FHOD1: variants seen among roughly 807,000 people sequenced by gnomAD.
FHOD1 encodes the protein formin homology 2 domain containing 1.
In FHOD1, 89 loss-of-function variants were observed where a neutral mutation model predicts 111.6. The observed-to-expected ratio is 0.80, with a 90% CI of 0.67 to 0.95. The LOEUF (loss-of-function observed/expected upper bound fraction) is 0.95. Among genes scored for constraint, FHOD1 ranks in the 40% least tolerant of loss-of-function variants. FHOD1 has a pLI of 0.00. For synonymous variants in FHOD1, 618 were observed against 639.0 expected, an observed-to-expected ratio of 0.97 and a Z score of 0.50; for missense variants, 1,446 against 1,554.2, an observed-to-expected ratio of 0.93 and a Z score of 1.17.
chr16:67,241,498 C>T (rs2034666751), intron 1 of FHOD1, among the ~76,000 whole-genome samples: 1 of 152,230 alleles, frequency 6.6e-6, no homozygotes, highest in Non-Finnish European at 1.5e-5. Context: ...AGAGCCACCC[C>T]CGTCAGGGAT....
rs1258121901 is a variant in FHOD1 at position 67,247,461 on chromosome 16, A to C, written c.-51T>G. On this transcript the variant is annotated 5_prime_UTR_variant, in exon 1 of 22. Transcript: ENST00000258201. ...CGCCTCCGAGTCCCGGCCCCAGTGC[A>C]GCTTCTACTCAAAGCACACTGTAGC... The C allele has an allele frequency of 6.3e-7, 1 of 1,581,310 alleles. No individual in the cohort carries two copies. The highest frequency in any genetic ancestry group is 8.6e-7 in the Non-Finnish European group (1 of 1,159,800).
intron 1 of FHOD1, among the ~76,000 whole-genome samples, chr16:67,243,092 A>G (rs1203798582): frequency 6.6e-6 from 1 of 152,100 alleles, no homozygotes; most frequent in Non-Finnish European, 1.5e-5. Flanking sequence ...GTAATCAGGT[A>G]AGACTGAACA....
intron 1 of FHOD1, among the ~76,000 whole-genome samples, chr16:67,245,766 G>T (rs1365358889): frequency 6.6e-6 from 1 of 151,946 alleles, no homozygotes; most frequent in Admixed American, 6.6e-5. Flanking sequence ...AATCGGGGGG[G>T]TGGTGTCAGG....
rs112918660 is a variant in FHOD1, at chr16:67,236,578, G to T, written c.1298C>A (p.Ser433Tyr). 6.2e-7 allele frequency: 1 copy of T among 1,613,624 alleles called. No individual in the cohort carries two copies. Among genetic ancestry groups the T allele is most frequent in the East Asian group, 2.2e-5 (1 of 44,872 alleles). Residue 433 changes from serine to tyrosine, a missense_variant, in exon 11 of 22, where the codon TCC (serine) becomes TAC (tyrosine). Transcript: ENST00000258201. The part of the protein sequence containing the change: ...TISVAPSADT[S>Y]SERSIYKARF... ...TTACTTGTAGATGCTCCTCTCGCTG[G>T]AGGTGTCAGCTGAGGGTGCCACAGA...
Position 67,230,383 on chromosome 16 carries a change from C to T in FHOD1, c.2982G>A (p.Val994=). The T allele has an allele frequency of 6.2e-7, 1 of 1,614,254 alleles. No homozygotes were observed. Among genetic ancestry groups the T allele is most frequent in the South Asian group, 1.1e-5 (1 of 91,090 alleles). The change falls in exon 19 of 22, where the codon GTG becomes GTA. Residue 994 remains valine, a synonymous_variant. Transcript: ENST00000258201. ...ALEYRTCRER[V]LQQQQKQATY... is the part of the protein sequence containing the mutation. Reference sequence around the variant, plus strand: ...TGGCCTGCTTCTGCTGCTGCTGTAGCACTCGTTCCCGGCAAGTCCGATACT... The same window carrying T: ...TGGCCTGCTTCTGCTGCTGCTGTAGTACTCGTTCCCGGCAAGTCCGATACT...
At position 67,230,485 on chromosome 16, in the gene FHOD1, G is replaced by C. The variant is rs1232294778; in HGVS notation, c.2880C>G (p.Tyr960Ter). 4 of 1,614,128 alleles carry C rather than the reference G, an allele frequency of 2.5e-6. No individual in the cohort carries two copies. Among genetic ancestry groups the C allele is most frequent in the Non-Finnish European group, 3.4e-6 (4 of 1,180,038 alleles). Residue 960 changes from tyrosine (Y) to a stop codon, truncating the protein, a stop_gained, in exon 19 of 22, where the codon TAC (tyrosine) becomes TAG (stop). Transcript: ENST00000258201. LOFTEE classifies it high-confidence loss of function. ...GGGCCGCCTGCGGGGTGTAGCCCAG[G>C]TAGAGCAGGAAGGCATGGAACCTAG... ...VCNRFHAFLL[Y>*]LGYTPQAARE...
chr16:67,231,559 G>T lies in FHOD1; in HGVS notation c.2386-10C>A. On this transcript the variant is annotated splice_polypyrimidine_tract_variant and intron_variant, in intron 15 of 21. Transcript: ENST00000258201. The surrounding 1 kb of genome is among the most constrained non-coding windows in gnomAD (Gnocchi z 4.3). ...GTGGCTCAGCAATTTCCTGGTATGG[G>T]AGACCAGGGACTCTCAGACTACATG... 1 of 1,614,174 alleles carries T rather than the reference G, an allele frequency of 6.2e-7. No homozygotes were observed.
rs59149041 is a variant in FHOD1 at position 67,234,306 on chromosome 16, G to A, written c.1436-39C>T. On this transcript the variant is annotated intron_variant, in intron 12 of 21. Transcript: ENST00000258201. Reference sequence around the variant, plus strand: ...AGGAGCTGTCAGTGCCATGCCCCCTGTGGGGCAACAAAGCAACAGGCAGGC... The same window carrying A: ...AGGAGCTGTCAGTGCCATGCCCCCTATGGGGCAACAAAGCAACAGGCAGGC... The A allele has an allele frequency of 1.0e-3, 1,667 of 1,599,282 alleles. 9 individuals carry two copies. In the African/African-American group the frequency reaches 0.016, roughly 15 times the overall value.
In FHOD1 at chr16:67,231,620, C is replaced by G. The variant is rs1436264104; in HGVS notation, c.2385+17G>C. ...TTACCTGTCCCTACTGACTGTCCCA[C>G]TCCAAGACCCAGGTACCCGCTCCAT... On this transcript the variant is annotated intron_variant, in intron 15 of 21. Coordinates refer to ENST00000258201, the MANE Select transcript of FHOD1 (RefSeq NM_013241.3). This position sits in a 1 kb window ranked among gnomAD's most constrained non-coding sequence, Gnocchi z 4.3. 3 of 1,614,130 alleles carry G rather than the reference C, an allele frequency of 1.9e-6. No homozygotes were observed. In the East Asian group the frequency reaches 6.7e-5, roughly 36 times the overall value.
At chr16:67,245,578 C>T (rs902858458) in intron 1 of FHOD1, among the ~76,000 whole-genome samples, 8 of 152,208 alleles carry the variant, frequency 5.3e-5, no homozygotes, top group Non-Finnish European at 1.0e-4. Context: ...AACCCTGTCC[C>T]TACTAAAAAT....
In FHOD1 at chr16:67,238,608, G is replaced by A. The variant is rs2034580138; in HGVS notation, c.374-161C>T. ...CACTCAGGCTGGAGTGTGGAGTGCA[G>A]TGGCACAGTCATAGCTCACTGCAAC... On this transcript the variant is annotated intron_variant, in intron 3 of 21. Coordinates refer to ENST00000258201, the MANE Select transcript of FHOD1 (RefSeq NM_013241.3). This position sits in a 1 kb window ranked among gnomAD's most constrained non-coding sequence, Gnocchi z 4.2. 2 of 750,010 alleles carry A rather than the reference G, an allele frequency of 2.7e-6. No homozygotes were observed. Among genetic ancestry groups the A allele is most frequent in the Non-Finnish European group, 4.6e-6 (2 of 439,474 alleles). The allele number at this position is 750,010 out of a possible 1,614,324, so 46.5% of individuals were successfully genotyped here.
rs752347123 is a variant in FHOD1, at chr16:67,233,649, G to A, written c.2046+8C>T. On this transcript the variant is annotated splice_region_variant and intron_variant, in intron 13 of 21. Transcript: ENST00000258201. ...CCTTGGGGCTACCTTGCAGATGAGT[G>A]GATTTACCTTGGAGGGCAGCACCTC... is the stretch of plus-strand genomic sequence containing the variant. 2 of 1,583,848 alleles carry A rather than the reference G, an allele frequency of 1.3e-6. No homozygotes were observed. The highest frequency in any genetic ancestry group is 2.3e-5 in the East Asian group (1 of 44,200).
rs761025263 is a variant in FHOD1 at position 67,231,799 on chromosome 16, G to A, written c.2223C>T (p.Pro741=). The A allele has an allele frequency of 1.9e-6, 3 of 1,614,098 alleles. No homozygotes were observed. Among genetic ancestry groups the A allele is most frequent in the Non-Finnish European group, 2.5e-6 (3 of 1,179,994 alleles). The change falls in exon 15 of 22, where the codon CCC becomes CCT. Residue 741 remains proline (P), a synonymous_variant. Coordinates refer to ENST00000258201, the MANE Select transcript of FHOD1 (RefSeq NM_013241.3). The surrounding 1 kb of genome is among the most constrained non-coding windows in gnomAD (Gnocchi z 4.3). The part of the protein sequence containing the change: ...DGIEKLLTMM[P]TEEERQKIEE... ...CAATCTTCTGCCGCTCTTCCTCCGT[G>A]GGCATCATGGTCAGTAGCTTCTGAG...
chr16:67,230,725 T>C lies in FHOD1; in HGVS notation c.2734A>G (p.Ser912Gly), dbSNP rs1347420143. The stretch of plus-strand genomic sequence containing the variant: ...TCATGCTTGGCCAAGCTCCGCAGGC[T>C]CTCCTCGGCTGCCCGGCTCCGGCGC... ...LERRSRAAEE[S>G]LRSLAKHELA... is the part of the protein sequence containing the mutation. The change falls in exon 18 of 22, where the codon AGC (serine) becomes GGC (glycine). Residue 912 changes from serine to glycine, a missense_variant. This residue lies in a region of FHOD1 where 1,085 missense variants were observed against 1,108.8 expected (regional missense o/e 0.98). Coordinates refer to ENST00000258201, the MANE Select transcript of FHOD1 (RefSeq NM_013241.3). The C allele has an allele frequency of 6.2e-7, 1 of 1,612,272 alleles. No homozygotes were observed. The highest frequency in any genetic ancestry group is 8.5e-7 in the Non-Finnish European group (1 of 1,179,056).
At chr16:67,246,475 C>T (rs1476791491) in intron 1 of FHOD1, among the ~76,000 whole-genome samples, 1 of 152,162 alleles carries the variant, frequency 6.6e-6, no homozygotes, top group African/African-American at 2.4e-5. Flanking sequence ...TGCACAAGTC[C>T]GCTTCGGGGC....
rs201732128 is a variant in FHOD1, at chr16:67,230,647, G to A, written c.2812C>T (p.Arg938Cys). 31 of 1,614,036 alleles carry A rather than the reference G, an allele frequency of 1.9e-5. No individual in the cohort carries two copies. Among genetic ancestry groups the A allele is most frequent in the Admixed American group, 3.3e-5 (2 of 60,026 alleles). The change falls in exon 18 of 22, where the codon CGC (arginine) becomes TGC (cysteine). Residue 938 changes from arginine (R) to cysteine (C), a missense_variant. Physicochemically the swap from Arg to Cys is radical, Grantham distance 180. Around this residue, in one of 3 missense-constraint regions of FHOD1, gnomAD observed 1,085 missense variants for 1,108.8 expected, o/e 0.98. Transcript: ENST00000258201. ...RLTHFLDQCA[R>C]RVAMLRIVHR... ...ACTATCCTTAGCATGGCAACACGGC[G>A]GGCACACTGGTCCAGGAAGTGGGTG...
chr16:67,242,323 G>A (rs888193802), intron 1 of FHOD1, among the ~76,000 whole-genome samples: 1 of 152,114 alleles, frequency 6.6e-6, no homozygotes, highest in Non-Finnish European at 1.5e-5. Flanking sequence ...ATCCTGCCAG[G>A]GCCCCATTTC....
rs148476639 is a variant in FHOD1, at chr16:67,236,986, G to T, written c.1122C>A (p.Pro374=). The T allele has an allele frequency of 6.3e-7, 1 of 1,599,050 alleles. No individual in the cohort carries two copies. Among genetic ancestry groups the T allele is most frequent in the South Asian group, 1.1e-5 (1 of 89,520 alleles). Residue 374 remains proline (P), a synonymous_variant, in exon 10 of 22, where the codon CCC becomes CCA. Coordinates refer to ENST00000258201, the MANE Select transcript of FHOD1 (RefSeq NM_013241.3). ...SRRSLEGGGC[P]ARAPEPGPTG... is the part of the protein sequence containing the mutation. ...CTTACCCAGGTTCCGGGGCACGCGC[G>T]GGGCAGCCCCCGCCTTCCAGAGAAC...
chr16:67,242,059 C>T (rs1006465948), intron 1 of FHOD1, among the ~76,000 whole-genome samples: 1 of 152,096 alleles, frequency 6.6e-6, no homozygotes, highest in African/African-American at 2.4e-5. Flanking sequence ...ACCTCTGCCT[C>T]CTGGGTTCAA....
Sources: allele counts gnomAD v4.1 joint callset (sites outside exome capture counted in the v4.1 genomes callset), GRCh38; gene constraint gnomAD v4.1.1; regional missense constraint gnomAD v4.1.1; non-coding constraint Gnocchi (gnomAD v3.1); transcripts MANE v1.5; gene names NCBI Gene and HGNC (gene_info 2026-07-23, HGNC 2026-07-21).